The following TRAPPC9 variants were observed in gnomAD, a reference collection of about 807,000 sequenced individuals.
The protein encoded by TRAPPC9 is trafficking protein particle complex subunit 9, also known as IKK2 binding protein.
A neutral mutation model predicts 124.0 loss-of-function variants in TRAPPC9; 83 were observed. The ratio of observed to expected loss-of-function variants is 0.67; its 90% CI spans 0.56 to 0.80. The LOEUF (loss-of-function observed/expected upper bound fraction) is 0.80, where lower values mean the gene tolerates loss of function less well. Ranked by LOEUF, TRAPPC9 falls within the 30% of genes least tolerant of loss-of-function variation. The pLI, the probability that TRAPPC9 is intolerant of heterozygous loss-of-function variation, is 0.00. For missense variants in TRAPPC9, 1,302 were observed against 1,508.3 expected, an observed-to-expected ratio of 0.86 and a Z score of 2.27; for synonymous variants, 638 against 617.5, an observed-to-expected ratio of 1.03 and a Z score of -0.49.
intron 14 of TRAPPC9, among the ~76,000 whole-genome samples, chr8:140,283,108 C>G (rs980497910): frequency 7.9e-5 from 12 of 151,630 alleles, no homozygotes; most frequent in African/African-American, 2.9e-4. Flanking sequence ...CGTAGTGGTA[C>G]AAACCTGTAG....
intron 17 of TRAPPC9, among the ~76,000 whole-genome samples, chr8:140,154,979 G>C (rs554149669): frequency 6.6e-6 from 1 of 152,170 alleles, no homozygotes; most frequent in Non-Finnish European, 1.5e-5. Context: ...AGGGCATCCT[G>C]TTAGAATCCT....
chr8:140,183,594 T>C (rs909624262), intron 17 of TRAPPC9, among the ~76,000 whole-genome samples: 1 of 152,008 alleles, frequency 6.6e-6, no homozygotes, highest in Non-Finnish European at 1.5e-5. Flanking sequence ...CTCATGCCTG[T>C]AATCCCATAA....
intron 17 of TRAPPC9, among the ~76,000 whole-genome samples, chr8:140,122,159 G>A (rs1020425123): frequency 2.6e-5 from 4 of 152,044 alleles, no homozygotes; most frequent in African/African-American, 4.8e-5. Context: ...AGATGCTGAG[G>A]TGCATTCTTC....
chr8:140,314,983 T>C (rs1032884006), intron 9 of TRAPPC9, among the ~76,000 whole-genome samples: 1 of 152,218 alleles, frequency 6.6e-6, no homozygotes, highest in African/African-American at 2.4e-5. Flanking sequence ...CATACAGTGG[T>C]TCTATTTTTA....
chr8:140,184,571 G>T (rs1446472442), intron 17 of TRAPPC9, among the ~76,000 whole-genome samples: 1 of 152,112 alleles, frequency 6.6e-6, no homozygotes, highest in Non-Finnish European at 1.5e-5. Context: ...GAACAGCTGG[G>T]ATTACAGGAG....
At chr8:140,294,669 G>A (rs1396114438) in intron 11 of TRAPPC9, among the ~76,000 whole-genome samples, 1 of 151,518 alleles carries the variant, frequency 6.6e-6, no homozygotes, top group Non-Finnish European at 1.5e-5. Context: ...GTGCAGTGGT[G>A]TGATCTCGGC....
chr8:140,138,500 G>A (rs11166955), intron 17 of TRAPPC9, among the ~76,000 whole-genome samples: 27,271 of 151,932 alleles, frequency 0.18, 3,056 homozygotes, highest in Admixed American at 0.25. Context: ...TGCCAGTTCT[G>A]TTCTCTCTCA....
intron 9 of TRAPPC9, among the ~76,000 whole-genome samples, chr8:140,332,802 T>C (rs2066928817): frequency 6.6e-6 from 1 of 151,902 alleles, no homozygotes; most frequent in African/African-American, 2.4e-5. Context: ...ACATGGAAAA[T>C]CAGGATACAG....
At chr8:140,342,743 G>A (rs1176575602) in intron 9 of TRAPPC9, among the ~76,000 whole-genome samples, 1 of 152,132 alleles carries the variant, frequency 6.6e-6, no homozygotes, top group African/African-American at 2.4e-5. Context: ...GGGGAAAAAC[G>A]CATGTCAGGA....
chr8:140,051,873 T>C (rs962241975), intron 17 of TRAPPC9, among the ~76,000 whole-genome samples: 5 of 152,078 alleles, frequency 3.3e-5, no homozygotes, highest in Admixed American at 1.3e-4. Context: ...TCCTGTAAGA[T>C]CACAGCAGGA....
chr8:139,841,598 G>A (rs1175759873), intron 21 of TRAPPC9, among the ~76,000 whole-genome samples: 1 of 152,222 alleles, frequency 6.6e-6, no homozygotes, highest in African/African-American at 2.4e-5. Flanking sequence ...GGCCAGGTAG[G>A]GAGGGTGGTG....
chr8:139,951,033 C>T (rs1357232843), intron 19 of TRAPPC9, among the ~76,000 whole-genome samples: 1 of 152,148 alleles, frequency 6.6e-6, no homozygotes. Flanking sequence ...TCAGCCAGAC[C>T]CAGGCGCGCA....
chr8:139,964,244 A>AAAT (rs59677763), intron 19 of TRAPPC9, among the ~76,000 whole-genome samples: 4,667 of 138,066 alleles, frequency 0.034, 231 homozygotes, highest in Non-Finnish European at 0.054. Context: ...AAAAAAAAAA[A>AAAT]AGCGGGGGAG....
intron 19 of TRAPPC9, among the ~76,000 whole-genome samples, chr8:139,983,704 A>C (rs1275626677): frequency 1.3e-5 from 2 of 152,108 alleles, no homozygotes; most frequent in Admixed American, 1.3e-4. Context: ...TACGATCTTG[A>C]ACCCAACTTA....
At chr8:140,073,598 G>A (rs1174483180) in intron 17 of TRAPPC9, among the ~76,000 whole-genome samples, 2 of 152,196 alleles carry the variant, frequency 1.3e-5, no homozygotes, top group African/African-American at 4.8e-5. Context: ...AATGTTCTAC[G>A]AGGGAGAAGG....
chr8:140,366,053 A>T lies in TRAPPC9; in HGVS notation c.1351+4911T>A, dbSNP rs1007607823. On this transcript the variant is annotated intron_variant, in intron 8 of 22. Coordinates refer to ENST00000438773, the MANE Select transcript of TRAPPC9 (RefSeq NM_001160372.4). ...TTTTCTGTTCCTGCAGTAGTTTGGT[A>T]TGAATAATCACCTCCAGCTCCATCC... 2.0e-5 allele frequency among the ~76,000 whole-genome samples: 3 copies of T among 152,332 alleles called. No homozygotes were observed. The South Asian group carries it at 6.2e-4, about 32-fold the overall frequency.
chr8:140,322,011 G>A (rs2066608700), intron 9 of TRAPPC9, among the ~76,000 whole-genome samples: 1 of 152,198 alleles, frequency 6.6e-6, no homozygotes, highest in South Asian at 2.1e-4. Context: ...GGGCCAAGCA[G>A]CAAAGCTTGA....
At chr8:139,942,503 T>G (rs779910237) in intron 19 of TRAPPC9, among the ~76,000 whole-genome samples, 1 of 152,180 alleles carries the variant, frequency 6.6e-6, no homozygotes, top group Admixed American at 6.5e-5. Context: ...GAACTTCTTA[T>G]TGGTGCTTAA....
chr8:139,928,175 AGT>A (rs1227972486), intron 19 of TRAPPC9, among the ~76,000 whole-genome samples: 1 of 152,204 alleles, frequency 6.6e-6, no homozygotes, highest in Non-Finnish European at 1.5e-5. Context: ...CCACTGGAGA[AGT>A]GTGTCTTCTA....
Sources: allele counts gnomAD v4.1 joint callset (sites outside exome capture counted in the v4.1 genomes callset), GRCh38; gene constraint gnomAD v4.1.1; transcripts MANE v1.5; gene names NCBI Gene and HGNC (gene_info 2026-07-23, HGNC 2026-07-21).